Variants in TNFRSF21 observed in about 807,000 individuals in gnomAD.
TNFRSF21 encodes the protein tumor necrosis factor receptor superfamily member 21.
In TNFRSF21, 19 loss-of-function variants were observed where a neutral mutation model predicts 45.6. That is an observed-to-expected ratio of 0.42 (90% CI 0.29 to 0.61). The LOEUF (loss-of-function observed/expected upper bound fraction) is 0.61. TNFRSF21 is among the 20% of genes least tolerant of loss of function. The pLI is 0.23. For synonymous variants in TNFRSF21, 314 were observed against 335.5 expected (o/e 0.94, Z 0.70); for missense variants, 737 against 851.5 (o/e 0.87, Z 1.67).
intron 1 of TNFRSF21, 60 bp downstream of exon 1, chr6:47,309,356 C>T (rs557845221): frequency 5.4e-6 from 8 of 1,493,614 alleles, no homozygotes; most frequent in Non-Finnish European, 5.3e-6. Flanking sequence ...GCCCGGCTCC[C>T]GGAGAGCGGT....
intron 4 of TNFRSF21, among the ~76,000 whole-genome samples, chr6:47,251,293 C>CAA (rs928852915): frequency 6.6e-6 from 1 of 152,056 alleles, no homozygotes; most frequent in African/African-American, 2.4e-5. Context: ...CATCATAACT[C>CAA]AAAGGCTATA....
rs533916245 is a variant in TNFRSF21 at position 47,248,264 on chromosome 6, T to C, written c.1509+4992A>G. 2.4e-4 allele frequency among the ~76,000 whole-genome samples: 36 copies of C among 152,246 alleles called. No individual in the cohort carries two copies. In the Middle Eastern group the frequency reaches 0.01, roughly 43 times the overall value. On this transcript the variant is annotated intron_variant, in intron 4 of 5. Coordinates refer to ENST00000296861, the MANE Select transcript of TNFRSF21 (RefSeq NM_014452.5). The stretch of plus-strand genomic sequence containing the variant: ...CTCACTCTAGTATGGCCCCCAGTAA[T>C]TTGATTATCAAAATTAATTTTGATA...
At chr6:47,245,495 T>C (rs1048566423) in intron 4 of TNFRSF21, among the ~76,000 whole-genome samples, 1 of 151,694 alleles carries the variant, frequency 6.6e-6, no homozygotes, top group Admixed American at 6.6e-5. Flanking sequence ...AGGGAGTGTA[T>C]ATTAATATAA....
At chr6:47,273,519 A>G (rs1762456685) in intron 3 of TNFRSF21, among the ~76,000 whole-genome samples, 1 of 152,206 alleles carries the variant, frequency 6.6e-6, no homozygotes, top group South Asian at 2.1e-4. Context: ...TCTCAAAATA[A>G]TAAGTGCTAT....
chr6:47,253,073 G>A (rs1582323386), intron 4 of TNFRSF21, among the ~76,000 whole-genome samples, 183 bp downstream of exon 4: 1 of 151,926 alleles, frequency 6.6e-6, no homozygotes, highest in South Asian at 2.1e-4. Context: ...CTAATAGACG[G>A]CCACTGAGAA....
intron 1 of TNFRSF21, among the ~76,000 whole-genome samples, 195 bp downstream of exon 1, chr6:47,309,221 C>T (rs2113873664): frequency 6.6e-6 from 1 of 152,298 alleles, no homozygotes; most frequent in Admixed American, 6.5e-5. Flanking sequence ...CCGGCTGAGC[C>T]CTGAGATTCC....
Position 47,309,545 on chromosome 6 carries a change from C to A in TNFRSF21, c.-34G>T, listed in dbSNP as rs2113873866. The A allele has an allele frequency of 3.6e-6, 5 of 1,403,276 alleles. No individual in the cohort carries two copies. The highest frequency in any genetic ancestry group is 3.4e-5 in the Admixed American group (1 of 29,714). 86.9% of individuals were successfully genotyped at this position (1,403,276 alleles called of 1,614,324 possible). A position where few individuals can be genotyped will look rare whatever the true frequency, so the allele number is the denominator to read the frequency against. On this transcript the variant is annotated 5_prime_UTR_variant, in exon 1 of 6. Coordinates refer to ENST00000296861, the MANE Select transcript of TNFRSF21 (RefSeq NM_014452.5). Reference sequence around the variant, plus strand: ...CGGGGACTCGCAGGGGCGCCCGGGGCGCGCGGGGCAGCTGGAATCGGCGGC... The same window carrying A: ...CGGGGACTCGCAGGGGCGCCCGGGGAGCGCGGGGCAGCTGGAATCGGCGGC...
chr6:47,238,804 T>TGA (rs1363391110), intron 4 of TNFRSF21, among the ~76,000 whole-genome samples: 1 of 152,214 alleles, frequency 6.6e-6, no homozygotes, highest in Non-Finnish European at 1.5e-5. Context: ...ATCTCTGGGC[T>TGA]ACTGAGTTTG....
At chr6:47,239,242 C>T (rs528730145) in intron 4 of TNFRSF21, among the ~76,000 whole-genome samples, 16 of 144,988 alleles carry the variant, frequency 1.1e-4, no homozygotes, top group Admixed American at 2.8e-4. Flanking sequence ...GGCGAGATCA[C>T]GCCCCTGCAC....
intron 3 of TNFRSF21, among the ~76,000 whole-genome samples, chr6:47,269,100 G>A (rs772094061): frequency 6.6e-6 from 1 of 152,008 alleles, no homozygotes; most frequent in Non-Finnish European, 1.5e-5. Context: ...ATGTGACTTT[G>A]GGCAAGTCAC....
At chr6:47,236,466 C>A (rs946399238) in intron 4 of TNFRSF21, among the ~76,000 whole-genome samples, 3 of 152,212 alleles carry the variant, frequency 2.0e-5, no homozygotes, top group Non-Finnish European at 2.9e-5. Flanking sequence ...TTATATAAGG[C>A]ACAAAGCAAA....
intron 3 of TNFRSF21, among the ~76,000 whole-genome samples, chr6:47,269,202 CACACACAG>C (rs1353798138): frequency 6.6e-6 from 1 of 151,262 alleles, no homozygotes; most frequent in South Asian, 2.1e-4. Context: ...CACAAACACA[CACACACAG>C]ACACACACAG....
intron 4 of TNFRSF21, among the ~76,000 whole-genome samples, chr6:47,247,873 A>G (rs541864510): frequency 6.6e-6 from 1 of 152,352 alleles, no homozygotes; most frequent in African/African-American, 2.4e-5. Context: ...TAATTCTATT[A>G]TATAGAAATC....
At chr6:47,257,117 C>T (rs771298409) in intron 3 of TNFRSF21, among the ~76,000 whole-genome samples, 18 of 152,194 alleles carry the variant, frequency 1.2e-4, no homozygotes, top group Non-Finnish European at 2.2e-4. Flanking sequence ...TGCAAATACA[C>T]GGCCTTTACG....
intron 1 of TNFRSF21, among the ~76,000 whole-genome samples, chr6:47,298,663 C>T (rs1762822199): frequency 6.6e-6 from 1 of 152,166 alleles, no homozygotes; most frequent in South Asian, 2.1e-4. Context: ...CCACACCCAA[C>T]CTCTTAGGTA....
chr6:47,261,921 T>A (rs890858182), intron 3 of TNFRSF21, among the ~76,000 whole-genome samples: 4 of 152,216 alleles, frequency 2.6e-5, no homozygotes, highest in Admixed American at 6.5e-5. Flanking sequence ...TTCCAGTGCA[T>A]CCACTACACA....
rs371453966 is a variant in TNFRSF21, at chr6:47,296,477, T to C, written c.97-9882A>G. ...TGTCTTTTGTATGCTAATGAGATGA[T>C]TGTCGGCTGGGGGCTGCTAGGTAGC... On this transcript the variant is annotated intron_variant, in intron 1 of 5. Coordinates refer to ENST00000296861, the MANE Select transcript of TNFRSF21 (RefSeq NM_014452.5). 1.2e-4 allele frequency among the ~76,000 whole-genome samples: 18 copies of C among 152,220 alleles called. 1 individual carries two copies. In the South Asian group the frequency reaches 2.9e-3, roughly 25 times the overall value.
intron 4 of TNFRSF21, among the ~76,000 whole-genome samples, chr6:47,235,883 C>T (rs1037438630): frequency 6.6e-6 from 1 of 152,120 alleles, no homozygotes; most frequent in African/African-American, 2.4e-5. Flanking sequence ...ATAACAAACA[C>T]ACAAGATGGT....
chr6:47,259,205 C>T (rs1356935293), intron 3 of TNFRSF21, among the ~76,000 whole-genome samples: 2 of 152,240 alleles, frequency 1.3e-5, no homozygotes, highest in East Asian at 1.9e-4. Flanking sequence ...TCTGCCCCAT[C>T]GGAGTTCCCA....
Sources: allele counts gnomAD v4.1 joint callset (sites outside exome capture counted in the v4.1 genomes callset), GRCh38; gene constraint gnomAD v4.1.1; transcripts MANE v1.5; gene names NCBI Gene and HGNC (gene_info 2026-07-23, HGNC 2026-07-21).